The following TTBK2 variants were observed in gnomAD, a reference collection of about 807,000 sequenced individuals.
TTBK2 encodes tau tubulin kinase 2.
A neutral mutation model predicts 110.8 loss-of-function variants in TTBK2; 28 were observed. The ratio of observed to expected loss-of-function variants is 0.25; its 90% confidence interval spans 0.19 to 0.35. TTBK2 has a LOEUF of 0.35. Among genes scored for constraint, TTBK2 ranks in the 10% least tolerant of loss-of-function variants. The pLI is 1.00. For missense variants in TTBK2, 1,369 were observed against 1,500.3 expected (o/e 0.91, Z 1.45); for synonymous variants, 532 against 527.3 (o/e 1.01, Z -0.12).
At position 42,752,519 on chromosome 15, in the gene TTBK2, G is replaced by A; in HGVS notation, c.2727C>T (p.Ile909=). 1 of 1,614,196 alleles carries A rather than the reference G, an allele frequency of 6.2e-7. No homozygotes were observed. The highest frequency in any genetic ancestry group is 8.5e-7 in the Non-Finnish European group (1 of 1,180,030). Reference sequence around the variant, plus strand: ...GAAATAGTTCTCCATTTCTAGGGGTGATTTTCTCTCTCTTGCCCTCTTGGT... The same window carrying A: ...GAAATAGTTCTCCATTTCTAGGGGTAATTTTCTCTCTCTTGCCCTCTTGGT... ...FLHQEGKREK[I]TPRNGELFHC... The change falls in exon 14 of 15, where the codon ATC becomes ATT. Residue 909 remains isoleucine (I), a synonymous_variant. Transcript: ENST00000267890.
intron 3 of TTBK2, among the ~76,000 whole-genome samples, chr15:42,844,938 TTAAG>T (rs1893385577): frequency 6.6e-6 from 1 of 152,012 alleles, no homozygotes; most frequent in Non-Finnish European, 1.5e-5. Flanking sequence ...ACAAGATAAA[TTAAG>T]TAAGATCCAT....
At chr15:42,763,176 A>ATATATATG (rs1889153094) in intron 13 of TTBK2, among the ~76,000 whole-genome samples, 1 of 16,466 alleles carries the variant, frequency 6.1e-5, no homozygotes, top group South Asian at 1.9e-3. Context: ...ATATATATAT[A>ATATATATG]TATATATATA....
chr15:42,842,435 TA>T (rs1189825388), intron 3 of TTBK2, among the ~76,000 whole-genome samples: 1 of 151,400 alleles, frequency 6.6e-6, no homozygotes, highest in Non-Finnish European at 1.5e-5. Flanking sequence ...GGTTAAAGAG[TA>T]AAGAGAATAT....
At position 42,824,337 on chromosome 15, in the gene TTBK2, G is replaced by C. The variant is rs1892439082; in HGVS notation, c.537+3591C>G. On this transcript the variant is annotated intron_variant, in intron 6 of 14. Transcript: ENST00000267890. ...CACCAAAACGTGCATGTTGAACCTG[G>C]TAAAATCTAAGTCTGTACTTGAGTT... 3.9e-5 allele frequency among the ~76,000 whole-genome samples: 6 copies of C among 152,068 alleles called. No individual in the cohort carries two copies. In the South Asian group the frequency reaches 1.2e-3, roughly 31 times the overall value.
rs769850218 is a variant in TTBK2, at chr15:42,783,479, C to T, written c.1137G>A (p.Glu379=). ...CATCCATCTCTTCCCAAACATCCTT[C>T]TCCTGGGGACGGGGGTGTCCCAGAG... is the stretch of plus-strand genomic sequence containing the variant. ...PGSLGHPRPQ[E]KDVWEEMDAN... The change falls in exon 11 of 15, where the codon GAG becomes GAA. Residue 379 remains glutamate (E), a synonymous_variant. Coordinates refer to ENST00000267890, the MANE Select transcript of TTBK2 (RefSeq NM_173500.4). 7 of 1,614,072 alleles carry T rather than the reference C, an allele frequency of 4.3e-6. No individual in the cohort carries two copies. In the African/African-American group the frequency reaches 9.3e-5, roughly 22 times the overall value.
At position 42,752,588 on chromosome 15, in the gene TTBK2, A is replaced by C; in HGVS notation, c.2658T>G (p.Ser886Arg). The C allele has an allele frequency of 6.2e-7, 1 of 1,614,088 alleles. No individual in the cohort carries two copies. Among genetic ancestry groups the C allele is most frequent in the Non-Finnish European group, 8.5e-7 (1 of 1,180,038 alleles). ...CTCCTTGATGACCTGGCAAGTCTTC[A>C]CTCATGATGTCATCATCCTTAGATA... ...NKISKDDDIM[S>R]EDLPGHQGDL... Residue 886 changes from serine (S) to arginine (R), a missense_variant, in exon 14 of 15, where the codon AGT becomes AGG. Transcript: ENST00000267890.
At chr15:42,756,012 A>T (rs975186254) in intron 13 of TTBK2, among the ~76,000 whole-genome samples, 1 of 152,154 alleles carries the variant, frequency 6.6e-6, no homozygotes, top group Non-Finnish European at 1.5e-5. Flanking sequence ...ACTGGCCAAC[A>T]TGGTGAAACC....
chr15:42,763,125 T>C (rs1188381368), intron 13 of TTBK2, among the ~76,000 whole-genome samples: 2 of 102,244 alleles, frequency 2.0e-5, no homozygotes, highest in Non-Finnish European at 3.5e-5. Flanking sequence ...TATACACATA[T>C]ATATACATAT....
At chr15:42,843,012 A>G (rs1057361123) in intron 3 of TTBK2, among the ~76,000 whole-genome samples, 1 of 152,230 alleles carries the variant, frequency 6.6e-6, no homozygotes, top group African/African-American at 2.4e-5. Context: ...ACAATAAAAA[A>G]TAAGTTAAAT....
intron 13 of TTBK2, among the ~76,000 whole-genome samples, chr15:42,770,793 C>T (rs1889635604): frequency 6.6e-6 from 1 of 152,102 alleles, no homozygotes; most frequent in African/African-American, 2.4e-5. Context: ...AAAGAGTCTT[C>T]ACCTTTTCAC....
intron 3 of TTBK2, among the ~76,000 whole-genome samples, chr15:42,861,227 A>G (rs930846952): frequency 4.6e-5 from 7 of 152,218 alleles, no homozygotes; most frequent in African/African-American, 1.7e-4. Flanking sequence ...GAAATTCTGG[A>G]CTTAAACTCG....
At chr15:42,909,127 C>T (rs1054358557) in intron 1 of TTBK2, among the ~76,000 whole-genome samples, 6 of 152,070 alleles carry the variant, frequency 3.9e-5, no homozygotes, top group Non-Finnish European at 7.4e-5. Context: ...TGTTGCTTTG[C>T]TTTGTTTTGT....
At chr15:42,885,359 C>T (rs1189082351) in intron 1 of TTBK2, among the ~76,000 whole-genome samples, 1 of 152,226 alleles carries the variant, frequency 6.6e-6, no homozygotes, top group Non-Finnish European at 1.5e-5. Flanking sequence ...TCCAACCTCT[C>T]TCACTACCCC....
intron 13 of TTBK2, among the ~76,000 whole-genome samples, chr15:42,765,161 A>C (rs1262366557): frequency 6.6e-6 from 1 of 152,212 alleles, no homozygotes; most frequent in Non-Finnish European, 1.5e-5. Flanking sequence ...GATGGGAAGA[A>C]ACCAGAGCAG....
intron 10 of TTBK2, among the ~76,000 whole-genome samples, chr15:42,789,740 AT>A (rs1464526148): frequency 6.6e-6 from 1 of 152,146 alleles, no homozygotes; most frequent in Non-Finnish European, 1.5e-5. Context: ...TCTCAAAAAA[AT>A]AAATATAGAA....
chr15:42,789,369 G>A (rs1192299670), intron 10 of TTBK2, among the ~76,000 whole-genome samples: 1 of 151,730 alleles, frequency 6.6e-6, no homozygotes, highest in African/African-American at 2.4e-5. Context: ...ATTTCTGTCT[G>A]GCTTATTTCA....
At chr15:42,780,950 C>T (rs775408569) in intron 11 of TTBK2, among the ~76,000 whole-genome samples, 8 of 151,926 alleles carry the variant, frequency 5.3e-5, no homozygotes, top group South Asian at 2.1e-4. Flanking sequence ...GGTGACAGAG[C>T]GAGACTCTGT....
intron 4 of TTBK2, among the ~76,000 whole-genome samples, chr15:42,835,235 G>A (rs1892940711): frequency 6.6e-6 from 1 of 152,164 alleles, no homozygotes; most frequent in South Asian, 2.1e-4. Context: ...GGATGGATCA[G>A]ACTGACAATG....
At chr15:42,864,763 G>C (rs1246191728) in intron 3 of TTBK2, among the ~76,000 whole-genome samples, 1 of 152,102 alleles carries the variant, frequency 6.6e-6, no homozygotes, top group Non-Finnish European at 1.5e-5. Flanking sequence ...GAGAAGGAAA[G>C]TAATATAGGG....
Sources: gnomAD v4.1 joint callset for allele counts (sites outside exome capture counted in the v4.1 genomes callset) on GRCh38, gnomAD v4.1.1 for gene constraint, MANE v1.5 for transcripts, NCBI Gene and HGNC (gene_info 2026-07-23, HGNC 2026-07-21) for gene names.